NXPE4: variants seen among roughly 807,000 people sequenced by gnomAD.
NXPE4 encodes the protein NXPE family member 4.
A neutral mutation model predicts 33.3 loss-of-function variants in NXPE4; 42 were observed. That is an observed-to-expected ratio of 1.26 (90% CI 0.98 to 1.63). The LOEUF (loss-of-function observed/expected upper bound fraction) is 1.63. Among genes scored for constraint, NXPE4 ranks in the 40% most tolerant of loss-of-function variants. The pLI is 0.00. For synonymous variants in NXPE4, 253 were observed against 234.9 expected (o/e 1.08, Z -0.71); for missense variants, 709 against 647.6 (o/e 1.09, Z -1.03).
At position 114,582,346 on chromosome 11, in the gene NXPE4, A is replaced by T; in HGVS notation, c.772T>A (p.Tyr258Asn). The change falls in exon 3 of 6, where the codon TAT becomes AAT. Residue 258 changes from tyrosine (Y) to asparagine (N), a missense_variant. Transcript: ENST00000375478. ...HMPCAALTHM[Y>N]SKNKKVSYLS... ...TAAGAAACTTTCTTGTTCTTAGAAT[A>T]CATGTGAGTGAGTGCAGCACAGGGC... The T allele has an allele frequency of 6.2e-7, 1 of 1,611,590 alleles. No homozygotes were observed.
the NXPE4 span, among the ~76,000 whole-genome samples, chr11:114,600,939 A>C: frequency 1.3e-5 from 2 of 152,160 alleles, no homozygotes; most frequent in South Asian, 4.1e-4. Context: ...TTCTCCATGA[A>C]ATGATTCAGT....
At chr11:114,656,750 T>C in the NXPE4 span, among the ~76,000 whole-genome samples, 1 of 152,138 alleles carries the variant, frequency 6.6e-6, no homozygotes, top group Non-Finnish European at 1.5e-5. Flanking sequence ...GTAATATACT[T>C]AATACAGTAC....
chr11:114,607,416 A>G, the NXPE4 span, among the ~76,000 whole-genome samples: 19 of 152,032 alleles, frequency 1.2e-4, no homozygotes, highest in Middle Eastern at 0.01. Flanking sequence ...TACCTGGTGG[A>G]TAATATGTAT....
the NXPE4 span, among the ~76,000 whole-genome samples, chr11:114,672,438 C>T: frequency 4.4e-4 from 66 of 151,712 alleles, no homozygotes; most frequent in Admixed American, 4.1e-3. Flanking sequence ...ATGCAAAGGG[C>T]GTATTAAAAA....
chr11:114,598,530 T>A (rs1346452562), upstream of NXPE4, among the ~76,000 whole-genome samples: 1 of 152,186 alleles, frequency 6.6e-6, no homozygotes, highest in Non-Finnish European at 1.5e-5. Flanking sequence ...TTTCCATACA[T>A]CCTCTGAAAT....
chr11:114,585,034 A>C (rs1949257969), intron 2 of NXPE4, among the ~76,000 whole-genome samples: 1 of 152,020 alleles, frequency 6.6e-6, no homozygotes. Flanking sequence ...CCTTTATTGC[A>C]CCTTCTAAAA....
chr11:114,640,207 T>C, the NXPE4 span, among the ~76,000 whole-genome samples: 1 of 137,820 alleles, frequency 7.3e-6, no homozygotes, highest in Non-Finnish European at 1.5e-5. Context: ...ATATATTATA[T>C]TTTAAAATGT....
At chr11:114,618,046 T>C in the NXPE4 span, among the ~76,000 whole-genome samples, 4 of 152,160 alleles carry the variant, frequency 2.6e-5, no homozygotes, top group African/African-American at 7.2e-5. Context: ...GGGTAACAAC[T>C]CTTACCCTGT....
Position 114,594,724 on chromosome 11 carries a change from C to T in NXPE4, c.36G>A (p.Leu12=). The change falls in exon 2 of 6, where the codon TTG becomes TTA. Residue 12 remains leucine, a synonymous_variant. Transcript: ENST00000375478. ...AGGAGGCTAATATAAACAACAGTGC[C>T]AATAGTGACTTATAATTTATCATAC... ...KISMINYKSL[L]ALLFILASWI... is the part of the protein sequence containing the mutation. 6.3e-7 allele frequency: 1 copy of T among 1,595,460 alleles called. No individual in the cohort carries two copies. Among genetic ancestry groups the T allele is most frequent in the Non-Finnish European group, 8.6e-7 (1 of 1,166,066 alleles).
chr11:114,620,713 C>T, the NXPE4 span, among the ~76,000 whole-genome samples: 8 of 151,534 alleles, frequency 5.3e-5, no homozygotes, highest in Non-Finnish European at 1.2e-4. Context: ...ATAATAAGTA[C>T]TGCCTCTTGG....
chr11:114,645,065 G>T, the NXPE4 span, among the ~76,000 whole-genome samples: 6 of 151,700 alleles, frequency 4.0e-5, no homozygotes, highest in South Asian at 2.1e-4. Flanking sequence ...ACTTTGGGAG[G>T]CTGAGGCAGG....
the NXPE4 span, among the ~76,000 whole-genome samples, chr11:114,607,345 C>T: frequency 1.3e-5 from 2 of 151,938 alleles, no homozygotes; most frequent in Non-Finnish European, 2.9e-5. Flanking sequence ...CTAAGTATTG[C>T]CTCGTGGGTA....
At chr11:114,632,929 A>G in the NXPE4 span, among the ~76,000 whole-genome samples, 2 of 96,760 alleles carry the variant, frequency 2.1e-5, no homozygotes, top group Non-Finnish European at 3.7e-5. Context: ...ATATAATTAT[A>G]TAATAATATA....
At chr11:114,600,838 T>A in the NXPE4 span, among the ~76,000 whole-genome samples, 10 of 152,108 alleles carry the variant, frequency 6.6e-5, no homozygotes, top group African/African-American at 2.4e-4. Context: ...ATGAGAATCC[T>A]CTATACTATT....
At chr11:114,615,833 T>A in the NXPE4 span, among the ~76,000 whole-genome samples, 4 of 150,864 alleles carry the variant, frequency 2.7e-5, no homozygotes, top group African/African-American at 9.8e-5. Flanking sequence ...ACTGTTACCC[T>A]GTGGATAATA....
the NXPE4 span, among the ~76,000 whole-genome samples, chr11:114,604,601 A>G: frequency 1.4e-5 from 2 of 147,556 alleles, no homozygotes. Context: ...GGTAACCACC[A>G]TTACCCACCG....
At chr11:114,627,279 G>A in the NXPE4 span, among the ~76,000 whole-genome samples, 115 of 152,096 alleles carry the variant, frequency 7.6e-4, no homozygotes, top group African/African-American at 2.6e-3. Context: ...GAAAGGTCGG[G>A]TTACCCTCAA....
At chr11:114,665,208 A>G in the NXPE4 span, among the ~76,000 whole-genome samples, 1 of 152,172 alleles carries the variant, frequency 6.6e-6, no homozygotes, top group Non-Finnish European at 1.5e-5. Context: ...AGTAATATCT[A>G]TTTAAGATAA....
In NXPE4 at chr11:114,580,460, A is replaced by G. The variant is rs1038948767; in HGVS notation, c.893-122T>C. The G allele has an allele frequency of 1.9e-5, 14 of 744,612 alleles. 1 individual carries two copies. The Admixed American group carries it at 2.7e-4, about 15-fold the overall frequency. 46.1% of individuals were successfully genotyped at this position (744,612 alleles called of 1,614,324 possible). On this transcript the variant is annotated intron_variant, in intron 4 of 5. Transcript: ENST00000375478. ...GTAAGGTGGTGGTAATGGTGGAAAA[A>G]GTATTACTGAAGTATTCTCTTAATG...
Sources: allele counts gnomAD v4.1 joint callset (sites outside exome capture counted in the v4.1 genomes callset), GRCh38; gene constraint gnomAD v4.1.1; transcripts MANE v1.5; gene names NCBI Gene and HGNC (gene_info 2026-07-23, HGNC 2026-07-21).